Variants in CPNE2 observed in about 807,000 individuals in gnomAD.
CPNE2 encodes copine 2, also known as copine-2.
Under a neutral mutation model 69.7 loss-of-function variants are expected in CPNE2, and 42 were observed. The ratio of observed to expected loss-of-function variants is 0.60; its 90% CI spans 0.47 to 0.78. The LOEUF (loss-of-function observed/expected upper bound fraction) is 0.78. Among genes scored for constraint, CPNE2 ranks in the 30% least tolerant of loss-of-function variants. The pLI is 0.00. For missense variants in CPNE2, 587 were observed against 732.0 expected (o/e 0.80, Z 2.29); for synonymous variants, 294 against 289.8 (o/e 1.01, Z -0.15).
Position 57,110,760 on chromosome 16 carries a change from T to TG in CPNE2, c.23dup (p.Ala9CysfsTer74). 6.2e-7 allele frequency: 1 copy of TG among 1,611,756 alleles called. No homozygotes were observed. The highest frequency in any genetic ancestry group is 1.1e-5 in the South Asian group (1 of 90,846). On this transcript the variant is annotated frameshift_variant, in exon 2 of 16. Transcript: ENST00000290776. LOFTEE classifies it high-confidence loss of function. ...CGGCTCCCATGGCCCACATACCCAG[T>TG]GGGGGTGCCCCAGCAGCGGGGGCAG...
chr16:57,138,579 C>A (rs2069899783), intron 14 of CPNE2, among the ~76,000 whole-genome samples: 1 of 152,142 alleles, frequency 6.6e-6, no homozygotes, highest in African/African-American at 2.4e-5. Context: ...CCTAGCTGTT[C>A]CCCCGCAGGT....
intron 1 of CPNE2, among the ~76,000 whole-genome samples, chr16:57,103,163 C>T (rs1187955585): frequency 2.0e-5 from 3 of 152,154 alleles, no homozygotes; most frequent in Non-Finnish European, 4.4e-5. Flanking sequence ...CACTCTGTCA[C>T]CCAGATTCGA....
Position 57,092,917 on chromosome 16 carries a change from C to T in CPNE2, c.-36+127C>T, listed in dbSNP as rs1335952202. 1.3e-5 allele frequency: 2 copies of T among 151,932 alleles called. No individual in the cohort carries two copies. Among genetic ancestry groups the T allele is most frequent in the African/African-American group, 4.8e-5 (2 of 41,394 alleles). 9.4% of individuals were successfully genotyped at this position (151,932 alleles called of 1,614,324 possible). On this transcript the variant is annotated intron_variant, in intron 1 of 15. Coordinates refer to ENST00000290776, the MANE Select transcript of CPNE2 (RefSeq NM_152727.6). The surrounding 1 kb of genome is among the most constrained non-coding windows in gnomAD (Gnocchi z 5.3). Reference sequence around the variant, plus strand: ...TTCCGCCTCGGGGGGCTGCGGCGCTCTAGCCCCCGCCGCCAGCGCGAACCC... The same window carrying T: ...TTCCGCCTCGGGGGGCTGCGGCGCTTTAGCCCCCGCCGCCAGCGCGAACCC...
intron 14 of CPNE2, chr16:57,142,610 C>CCT: frequency 6.6e-6 from 1 of 152,426 alleles, no homozygotes; most frequent in Non-Finnish European, 1.5e-5. Flanking sequence ...CTCAGGCCTT[C>CCT]ATCTTTCCCT....
intron 1 of CPNE2, among the ~76,000 whole-genome samples, chr16:57,095,392 G>A (rs1390630152): frequency 6.6e-6 from 1 of 152,246 alleles, no homozygotes; most frequent in Admixed American, 6.5e-5. Flanking sequence ...ACTGGACCTC[G>A]GCTGTCACTC....
intron 10 of CPNE2, chr16:57,125,645 G>A (rs1414726466): frequency 1.7e-6 from 1 of 599,362 alleles, no homozygotes; most frequent in African/African-American, 1.9e-5. Context: ...TCTAGGCAGT[G>A]GACTTTATGC....
intron 1 of CPNE2, among the ~76,000 whole-genome samples, chr16:57,098,892 C>T (rs1229601538): frequency 2.0e-5 from 3 of 152,168 alleles, no homozygotes; most frequent in Non-Finnish European, 4.4e-5. Context: ...TCTCAAGGAC[C>T]AGGGAAATAG....
intron 1 of CPNE2, among the ~76,000 whole-genome samples, chr16:57,100,835 G>A (rs2069608717): frequency 6.6e-6 from 1 of 152,170 alleles, no homozygotes; most frequent in Non-Finnish European, 1.5e-5. Context: ...GGCTCTCTGA[G>A]CTCCCACACT....
rs1567670883 is a variant in CPNE2 at position 57,127,913 on chromosome 16, A to C, written c.1116+10A>C. 1 of 1,613,580 alleles carries C rather than the reference A, an allele frequency of 6.2e-7. No individual in the cohort carries two copies. The highest frequency in any genetic ancestry group is 1.1e-5 in the South Asian group (1 of 91,024). On this transcript the variant is annotated intron_variant, in intron 12 of 15. Transcript: ENST00000290776. ...ACCCCCAGACTGGAAGGTGAGTGAA[A>C]CCGGAGTTAGTTTCCTTTTGGTTGA...
Position 57,146,186 on chromosome 16 carries a change from C to A in CPNE2, c.1404C>A (p.Ile468=), listed in dbSNP as rs1435673373. Residue 468 remains isoleucine, a synonymous_variant, in exon 15 of 16, where the codon ATC becomes ATA. Transcript: ENST00000290776. This position sits in a 1 kb window ranked among gnomAD's most constrained non-coding sequence, Gnocchi z 4.4. The stretch of plus-strand genomic sequence containing the variant: ...CTTCCAAGCTGCCCATGTCCATCAT[C>A]ATCGTGGGCGTGGGCAATGCGGACT... ...VQASKLPMSI[I]IVGVGNADFA... 1 of 1,576,610 alleles carries A rather than the reference C, an allele frequency of 6.3e-7. No individual in the cohort carries two copies. The highest frequency in any genetic ancestry group is 2.3e-5 in the East Asian group (1 of 43,012).
chr16:57,111,730 T>C (rs2069683142), intron 2 of CPNE2, among the ~76,000 whole-genome samples: 1 of 152,170 alleles, frequency 6.6e-6, no homozygotes. Context: ...CTGACTCCCT[T>C]GGAAGGCCCC....
intron 1 of CPNE2, among the ~76,000 whole-genome samples, chr16:57,105,194 A>G (rs1469783583): frequency 6.6e-6 from 1 of 152,172 alleles, no homozygotes; most frequent in Non-Finnish European, 1.5e-5. Flanking sequence ...ACATAGTGGA[A>G]GTGGGGAGAG....
chr16:57,144,549 CAG>C (rs1364284317), intron 14 of CPNE2: 6 of 152,350 alleles, frequency 3.9e-5, no homozygotes, highest in African/African-American at 1.4e-4. Context: ...AAGCCCCAAA[CAG>C]AGAATATGAA....
intron 14 of CPNE2, 172 bp from the exon 15 acceptor site, chr16:57,145,913 G>T: frequency 3.2e-6 from 2 of 626,506 alleles, no homozygotes; most frequent in Non-Finnish European, 5.7e-6. Context: ...GAGGCCTGCA[G>T]GGGTGGGGTG....
intron 5 of CPNE2, among the ~76,000 whole-genome samples, chr16:57,118,289 CCG>C (rs2069734861): frequency 6.6e-6 from 1 of 151,204 alleles, no homozygotes; most frequent in African/African-American, 2.4e-5. Flanking sequence ...CCTCAGCCTC[CCG>C]AGTAGCTGGG....
At chr16:57,115,435 C>A in intron 3 of CPNE2, 41 bp from the exon 4 acceptor site, 1 of 1,517,840 alleles carries the variant, frequency 6.6e-7, no homozygotes, top group Non-Finnish European at 9.1e-7. Flanking sequence ...CCGGGCTTCC[C>A]CCGCTTCCTC....
At chr16:57,135,874 A>C (rs2069876009) in intron 13 of CPNE2, among the ~76,000 whole-genome samples, 3 of 898 alleles carry the variant, frequency 3.3e-3, no homozygotes, top group African/African-American at 8.4e-3. Flanking sequence ...ACTCTGTCTC[A>C]AAAAAAAAAA....
chr16:57,110,752 A>G lies in CPNE2; in HGVS notation c.10A>G (p.Ile4Val). Residue 4 changes from isoleucine (I) to valine (V), a missense_variant, in exon 2 of 16, where the codon ATA becomes GTA. This residue lies in a region of CPNE2 where 96 missense variants were observed against 94.9 expected (regional missense o/e 1.01). Transcript: ENST00000290776. MAH[I>V]PSGGAPAAGA... is the part of the protein sequence containing the mutation. ...ACCGCCACCGGCTCCCATGGCCCAC[A>G]TACCCAGTGGGGGTGCCCCAGCAGC... is the stretch of plus-strand genomic sequence containing the variant. 1 of 1,610,850 alleles carries G rather than the reference A, an allele frequency of 6.2e-7. No individual in the cohort carries two copies. Among genetic ancestry groups the G allele is most frequent in the African/African-American group, 1.3e-5 (1 of 74,856 alleles).
chr16:57,137,941 C>G (rs2069895155), intron 14 of CPNE2, among the ~76,000 whole-genome samples: 1 of 152,354 alleles, frequency 6.6e-6, no homozygotes, highest in Non-Finnish European at 1.5e-5. Context: ...GCCCTTGCCT[C>G]TCTCTGCAGT....
Sources: allele counts gnomAD v4.1 joint callset (sites outside exome capture counted in the v4.1 genomes callset), GRCh38; gene constraint gnomAD v4.1.1; regional missense constraint gnomAD v4.1.1; non-coding constraint Gnocchi (gnomAD v3.1); transcripts MANE v1.5; gene names NCBI Gene and HGNC (gene_info 2026-07-23, HGNC 2026-07-21).